Variants in SLC47A2 observed in about 807,000 individuals in gnomAD.
The protein encoded by SLC47A2 is multidrug and toxin extrusion protein 2.
In SLC47A2, 52 loss-of-function variants were observed where a neutral mutation model predicts 67.7. The observed-to-expected ratio is 0.77, with a 90% confidence interval of 0.61 to 0.97. The LOEUF (loss-of-function observed/expected upper bound fraction) is 0.97. Among genes scored for constraint, SLC47A2 ranks in the 50% least tolerant of loss-of-function variants. The pLI, the probability that SLC47A2 is intolerant of heterozygous loss-of-function variation, is 0.00. For synonymous variants in SLC47A2, 278 were observed against 292.9 expected (o/e 0.95, Z 0.52); for missense variants, 676 against 712.3 (o/e 0.95, Z 0.58).
chr17:19,694,524 G>A, intron 13 of SLC47A2, among the ~76,000 whole-genome samples: 1 of 152,168 alleles, frequency 6.6e-6, no homozygotes, highest in South Asian at 2.1e-4. Flanking sequence ...GGAGAAATGA[G>A]TCTTTCATGT....
intron 13 of SLC47A2, among the ~76,000 whole-genome samples, chr17:19,699,864 T>C (rs1258088184): frequency 6.6e-6 from 1 of 152,040 alleles, no homozygotes. Flanking sequence ...TAGCAAAAAC[T>C]AGAAACAACC....
chr17:19,708,279 G>A (rs1188130975), intron 7 of SLC47A2, 23 bp downstream of exon 7: 2 of 1,611,204 alleles, frequency 1.2e-6, no homozygotes, highest in East Asian at 4.5e-5. Context: ...CCCTGACCAG[G>A]CCCCACCAGC....
Position 19,680,011 on chromosome 17 carries a change from T to C in SLC47A2, c.1421A>G (p.Gln474Arg). The C allele has an allele frequency of 1.2e-6, 2 of 1,614,100 alleles. No homozygotes were observed. The highest frequency in any genetic ancestry group is 8.5e-7 in the Non-Finnish European group (1 of 1,179,990). ...EAKKHSGRQQ[Q>R]QRAESTATRP... The stretch of plus-strand genomic sequence containing the variant: ...GGTTGCAGTGCTCTCTGCTCTCTGC[T>C]GCTGCTGCCGGCCTGAATGTTTCTT... The change falls in exon 16 of 17, where the codon CAG becomes CGG. Residue 474 changes from glutamine to arginine, a missense_variant. Transcript: ENST00000433844.
At chr17:19,713,632 T>C (rs950137208) in intron 4 of SLC47A2, among the ~76,000 whole-genome samples, 193 bp downstream of exon 4, 2 of 152,374 alleles carry the variant, frequency 1.3e-5, no homozygotes, top group African/African-American at 4.8e-5. Flanking sequence ...CTGTCCCTGC[T>C]GGTCACTGCT....
In SLC47A2 at chr17:19,686,179, T is replaced by C. The variant is rs7215123; in HGVS notation, c.1165-4509A>G. The stretch of plus-strand genomic sequence containing the variant: ...CAGGAGGCTGAGGCAGGAGAATCGC[T>C]TGAACCCAGGAGGCAGAGGTTGCAG... On this transcript the variant is annotated intron_variant, in intron 13 of 16. Coordinates refer to ENST00000433844, the MANE Select transcript of SLC47A2 (RefSeq NM_001099646.3). Among the ~76,000 whole-genome samples the C allele has an allele frequency of 8.4e-3, 1,281 of 152,194 alleles. 18 individuals are homozygous for C. The highest frequency in any genetic ancestry group is 0.028 in the African/African-American group (1,169 of 41,528).
chr17:19,716,821 C>T (rs1348679386), upstream of SLC47A2: 10 of 457,510 alleles, frequency 2.2e-5, no homozygotes. Context: ...GTCTGGTCTC[C>T]CAGAGGGATT....
At chr17:19,705,998 G>A (rs1392255968) in intron 9 of SLC47A2, among the ~76,000 whole-genome samples, 1 of 152,186 alleles carries the variant, frequency 6.6e-6, no homozygotes, top group Non-Finnish European at 1.5e-5. Context: ...GGAGGCCCCT[G>A]CAGGCTTCCC....
At chr17:19,702,516 A>G in intron 13 of SLC47A2, 89 bp downstream of exon 13, 1 of 1,571,670 alleles carries the variant, frequency 6.4e-7, no homozygotes, top group Non-Finnish European at 8.7e-7. Context: ...TAACAAGTTC[A>G]TCCTCACAGC....
chr17:19,708,909 A>C, intron 5 of SLC47A2, 149 bp from the exon 6 acceptor site: 1 of 993,744 alleles, frequency 1.0e-6, no homozygotes, highest in Non-Finnish European at 1.5e-6. Flanking sequence ...GGTGCGGCCA[A>C]AGCCTACCCA....
At chr17:19,683,467 G>A (rs1050320547) in intron 13 of SLC47A2, among the ~76,000 whole-genome samples, 73 of 152,214 alleles carry the variant, frequency 4.8e-4, no homozygotes, top group African/African-American at 1.6e-3. Context: ...GGCCTGTTTG[G>A]GAGAAGCCAT....
chr17:19,710,546 G>A (rs1039924060), intron 5 of SLC47A2, among the ~76,000 whole-genome samples: 4 of 151,706 alleles, frequency 2.6e-5, no homozygotes, highest in Non-Finnish European at 4.4e-5. Context: ...TCCACCTCCC[G>A]GGTTCAAGCA....
chr17:19,715,358 G>T, intron 1 of SLC47A2, 141 bp from the exon 2 acceptor site: 1 of 684,896 alleles, frequency 1.5e-6, no homozygotes, highest in Non-Finnish European at 2.5e-6. Flanking sequence ...AGGGCTGGAG[G>T]TCGGATGACC....
At chr17:19,704,232 A>C in intron 10 of SLC47A2, 54 bp from the exon 11 acceptor site, 1 of 1,478,538 alleles carries the variant, frequency 6.8e-7, no homozygotes, top group Non-Finnish European at 9.2e-7. Flanking sequence ...CAACCCCTGA[A>C]GTCCTGAGCC....
chr17:19,714,551 G>T, intron 3 of SLC47A2, 170 bp downstream of exon 3: 1 of 737,832 alleles, frequency 1.4e-6, no homozygotes, highest in Non-Finnish European at 2.4e-6. Flanking sequence ...GGGAGGGTCT[G>T]TTTCCCTGAC....
chr17:19,684,493 C>CAGTA (rs2085378282), intron 13 of SLC47A2, among the ~76,000 whole-genome samples: 2 of 151,964 alleles, frequency 1.3e-5, no homozygotes, highest in Non-Finnish European at 2.9e-5. Context: ...AATCAATGAC[C>CAGTA]TACTATTCTA....
rs1057449059 is a variant in SLC47A2 at position 19,705,560 on chromosome 17, G to T, written c.842-57C>A. On this transcript the variant is annotated intron_variant, in intron 9 of 16. Transcript: ENST00000433844. Reference sequence around the variant, plus strand: ...GCAGCCCCAGACACCCAGACCCTGCGCCGACAGGACGCTGCTTTGCTTTGG... The same window carrying T: ...GCAGCCCCAGACACCCAGACCCTGCTCCGACAGGACGCTGCTTTGCTTTGG... 7.8e-6 allele frequency: 12 copies of T among 1,529,898 alleles called. No homozygotes were observed. In the African/African-American group the frequency reaches 1.3e-4, roughly 16 times the overall value. 94.8% of individuals were successfully genotyped at this position (1,529,898 alleles called of 1,614,324 possible). A position where few individuals can be genotyped will look rare whatever the true frequency, so the allele number is the denominator to read the frequency against.
chr17:19,684,670 G>C (rs1258668635), intron 13 of SLC47A2, among the ~76,000 whole-genome samples: 2 of 149,714 alleles, frequency 1.3e-5, no homozygotes, highest in Non-Finnish European at 3.0e-5. Flanking sequence ...AGACCAGCTT[G>C]GGCAATATAG....
intron 13 of SLC47A2, among the ~76,000 whole-genome samples, chr17:19,695,515 C>CAAAAAAAAAAAAAAAAAAAAAAAAAA (rs201305334): frequency 1.1e-5 from 1 of 91,406 alleles, no homozygotes; most frequent in African/African-American, 3.9e-5. Context: ...AAAAAAACAG[C>CAAAAAAAAAAAAAAAAAAAAAAAAAA]AAAAAAAAAA....
rs778992097 is a variant in SLC47A2, at chr17:19,702,591, A to G, written c.1164+14T>C. 37 of 1,613,696 alleles carry G rather than the reference A, an allele frequency of 2.3e-5. No individual in the cohort carries two copies. Among genetic ancestry groups the G allele is most frequent in the South Asian group, 2.2e-4 (20 of 90,852 alleles). ...GTCCCAGGGAGTCAGGCTTTGGATC[A>G]AAGTGGTACTTACACAGATGGCCTC... On this transcript the variant is annotated intron_variant, in intron 13 of 16. Coordinates refer to ENST00000433844, the MANE Select transcript of SLC47A2 (RefSeq NM_001099646.3).
Sources: allele counts gnomAD v4.1 joint callset (sites outside exome capture counted in the v4.1 genomes callset), GRCh38; gene constraint gnomAD v4.1.1; transcripts MANE v1.5; gene names NCBI Gene and HGNC (gene_info 2026-07-23, HGNC 2026-07-21).